Variants in ZFP91 observed in about 807,000 individuals in gnomAD.
ZFP91 encodes the protein E3 ubiquitin-protein ligase ZFP91.
In ZFP91, 7 loss-of-function variants were observed where a neutral mutation model predicts 63.5. The ratio of observed to expected loss-of-function variants is 0.11; its 90% confidence interval spans 0.06 to 0.21. The LOEUF (loss-of-function observed/expected upper bound fraction) is 0.21. Ranked by LOEUF, ZFP91 falls within the 10% of genes least tolerant of loss-of-function variation. The pLI is 1.00. For missense variants in ZFP91, 628 were observed against 736.6 expected, an observed-to-expected ratio of 0.85 and a Z score of 1.71; for synonymous variants, 330 against 272.1, an observed-to-expected ratio of 1.21 and a Z score of -2.10.
At position 58,618,442 on chromosome 11, in the gene ZFP91, T is replaced by A; in HGVS notation, c.*736T>A. The A allele has an allele frequency of 5.8e-6, 2 of 343,622 alleles. No individual in the cohort carries two copies. The highest frequency in any genetic ancestry group is 4.6e-5 in the South Asian group (2 of 43,024). 21.3% of individuals were successfully genotyped at this position (343,622 alleles called of 1,614,324 possible). A position where few individuals can be genotyped will look rare whatever the true frequency, so the allele number is the denominator to read the frequency against. On this transcript the variant is annotated 3_prime_UTR_variant, in exon 11 of 11. Transcript: ENST00000316059. ...AGGGGGCTGCCCTCTACAGTCTCTTTGACTGTAAGACAGGGCTCTGTATCA... is the reference window on the plus strand; with the variant it reads ...AGGGGGCTGCCCTCTACAGTCTCTTAGACTGTAAGACAGGGCTCTGTATCA...
intron 9 of ZFP91, among the ~76,000 whole-genome samples, chr11:58,616,509 T>TA (rs1360851245): frequency 3.3e-5 from 5 of 152,162 alleles, no homozygotes; most frequent in African/African-American, 7.2e-5. Context: ...TGTTTTTTTT[T>TA]AAACAGGTCC....
intron 8 of ZFP91, among the ~76,000 whole-genome samples, chr11:58,613,271 T>C (rs1338023441): frequency 6.6e-6 from 1 of 152,170 alleles, no homozygotes; most frequent in Non-Finnish European, 1.5e-5. Context: ...CTTTTAACTG[T>C]GTCAGCCCAT....
At position 58,620,086 on chromosome 11, in the gene ZFP91, GT is replaced by G. The variant is rs1367645659; in HGVS notation, c.*2382del. 1 of 152,140 alleles carries G rather than the reference GT, an allele frequency of 6.6e-6. No individual in the cohort carries two copies. The highest frequency in any genetic ancestry group is 1.5e-5 in the Non-Finnish European group (1 of 68,024). The allele number at this position is 152,140 out of a possible 1,614,324, so 9.4% of individuals were successfully genotyped here. A position where few individuals can be genotyped will look rare whatever the true frequency, so the allele number is the denominator to read the frequency against. ...CGCTCTCCCAACAAAAAAACAACTA[GT>G]TAGTTCTACTAATTAGAAACTTGCT... On this transcript the variant is annotated 3_prime_UTR_variant, in exon 11 of 11. Coordinates refer to ENST00000316059, the MANE Select transcript of ZFP91 (RefSeq NM_053023.5).
At chr11:58,612,025 A>G (rs1855673228) in intron 6 of ZFP91, 2 of 532,900 alleles carry the variant, frequency 3.8e-6, no homozygotes, top group East Asian at 3.0e-5. Context: ...AGATTCTTCT[A>G]AGTCTTTCAT....
chr11:58,610,833 G>A, intron 4 of ZFP91, 117 bp from the exon 5 acceptor site: 2 of 787,678 alleles, frequency 2.5e-6, no homozygotes. Flanking sequence ...TCATTAGGAT[G>A]AAAATGCTAG....
intron 2 of ZFP91, among the ~76,000 whole-genome samples, 171 bp from the exon 3 acceptor site, chr11:58,609,659 G>A (rs1381356360): frequency 6.6e-6 from 1 of 152,056 alleles, no homozygotes; most frequent in African/African-American, 2.4e-5. Flanking sequence ...ATGACATTAA[G>A]GATAAGTTTT....
intron 2 of ZFP91, among the ~76,000 whole-genome samples, chr11:58,589,778 C>G (rs1855273747): frequency 1.3e-5 from 2 of 152,188 alleles, no homozygotes; most frequent in Non-Finnish European, 1.5e-5. Context: ...ATCCGTATTG[C>G]TAGTTCAGAC....
intron 8 of ZFP91, among the ~76,000 whole-genome samples, chr11:58,613,810 G>C (rs914594479): frequency 3.3e-5 from 5 of 152,108 alleles, no homozygotes; most frequent in African/African-American, 1.2e-4. Context: ...TTGATCTTCA[G>C]CAACAAATAT....
rs369586192 is a variant in ZFP91 at position 58,579,572 on chromosome 11, G to A, written c.291G>A (p.Gln97=). The A allele has an allele frequency of 1.9e-6, 3 of 1,585,086 alleles. No individual in the cohort carries two copies. The Admixed American group carries it at 5.3e-5, about 28-fold the overall frequency. The change falls in exon 1 of 11, where the codon CAG becomes CAA. Residue 97 remains glutamine, a synonymous_variant. Transcript: ENST00000316059. ...RPPDVPGQQP[Q]AAKSPSPVQG... ...CCGACGTCCCCGGGCAGCAGCCCCA[G>A]GCCGCGAAGTCCCCGTCTCCAGTTC... is the stretch of plus-strand genomic sequence containing the variant.
At chr11:58,581,846 A>G in intron 1 of ZFP91, among the ~76,000 whole-genome samples, 1 of 152,068 alleles carries the variant, frequency 6.6e-6, no homozygotes, top group East Asian at 1.9e-4. Flanking sequence ...TTTTCTGCAC[A>G]ATGTTCCTTG....
intron 2 of ZFP91, among the ~76,000 whole-genome samples, chr11:58,604,113 G>A (rs547473123): frequency 9.2e-5 from 14 of 152,144 alleles, no homozygotes; most frequent in Non-Finnish European, 1.3e-4. Context: ...AGACTACTAC[G>A]GGTTGAATTT....
chr11:58,594,270 T>C (rs1855359114), intron 2 of ZFP91, among the ~76,000 whole-genome samples: 1 of 152,226 alleles, frequency 6.6e-6, no homozygotes, highest in African/African-American at 2.4e-5. Flanking sequence ...TCTCAAGACA[T>C]GTACATGTAC....
intron 2 of ZFP91, among the ~76,000 whole-genome samples, chr11:58,591,843 C>A (rs1003329013): frequency 6.6e-6 from 1 of 152,064 alleles, no homozygotes; most frequent in Non-Finnish European, 1.5e-5. Flanking sequence ...AACCTTGCAC[C>A]AGGTGAGCTG....
intron 2 of ZFP91, among the ~76,000 whole-genome samples, chr11:58,587,665 G>A (rs1855234264): frequency 6.6e-6 from 1 of 152,004 alleles, no homozygotes; most frequent in Admixed American, 6.5e-5. Flanking sequence ...AACCAGTGTT[G>A]TACTTTGATT....
chr11:58,579,154 G>GA lies in ZFP91; in HGVS notation c.-125dup, dbSNP rs1855030045. On this transcript the variant is annotated 5_prime_UTR_variant, in exon 1 of 11. Transcript: ENST00000316059. The stretch of plus-strand genomic sequence containing the variant: ...TCGGAGCCGGGCGGAGGGGAGGGGG[G>GA]AAAGAGGAGCGCAGGGTGAGAGTGA... The GA allele has an allele frequency of 1.1e-5, 8 of 713,846 alleles. No homozygotes were observed. Among genetic ancestry groups the GA allele is most frequent in the Non-Finnish European group, 1.5e-5 (8 of 518,692 alleles). The allele number at this position is 713,846 out of a possible 1,614,324, so 44.2% of individuals were successfully genotyped here.
chr11:58,612,360 C>G (rs1229200309), intron 7 of ZFP91, 32 bp downstream of exon 7: 2 of 1,605,960 alleles, frequency 1.2e-6, no homozygotes, highest in Non-Finnish European at 1.7e-6. Context: ...TGTTTTACAC[C>G]TTATTCCAGT....
In ZFP91 at chr11:58,584,875, A is replaced by G. The variant is rs763479936; in HGVS notation, c.361A>G (p.Thr121Ala). 11 of 1,530,234 alleles carry G rather than the reference A, an allele frequency of 7.2e-6. No individual in the cohort carries two copies. Among genetic ancestry groups the G allele is most frequent in the Middle Eastern group, 1.7e-4 (1 of 5,872 alleles). 94.8% of individuals were successfully genotyped at this position (1,530,234 alleles called of 1,614,324 possible). The change falls in exon 2 of 11, where the codon ACT becomes GCT. Residue 121 changes from threonine (T) to alanine (A), a missense_variant. Physicochemically the swap from Thr to Ala is moderately conservative, Grantham distance 58. Around this residue, in one of 3 missense-constraint regions of ZFP91, gnomAD observed 437 missense variants for 380.3 expected, o/e 1.15. Transcript: ENST00000316059. Reference protein sequence around the residue: ...PRLLCIEKVTTDKDPKEEKEE... With the variant: ...PRLLCIEKVTADKDPKEEKEE... ...TTTCAGATGCATAGAAAAAGTAACA[A>G]CTGATAAAGGTAAGACTTGGTCATC...
In ZFP91 at chr11:58,580,939, C is replaced by A. The variant is rs1398861493; in HGVS notation, c.341+1317C>A. Among the ~76,000 whole-genome samples, 3 of 152,302 alleles carry A rather than the reference C, an allele frequency of 2.0e-5. No individual in the cohort carries two copies. In the East Asian group the frequency reaches 5.8e-4, roughly 29 times the overall value. ...ATTTTATAGTTCTATATTGTTTAAT[C>A]TCATGAATTTGAAAAGATACATGTA... is the stretch of plus-strand genomic sequence containing the variant. On this transcript the variant is annotated intron_variant, in intron 1 of 10. Coordinates refer to ENST00000316059, the MANE Select transcript of ZFP91 (RefSeq NM_053023.5).
rs754147434 is a variant in ZFP91 at position 58,609,882 on chromosome 11, T to G, written c.423T>G (p.Val141=). The change falls in exon 3 of 11, where the codon GTT becomes GTG. Residue 141 remains valine (V), a synonymous_variant. Transcript: ENST00000316059. ...ACGATTCTGCCCTCCCTCAGGAAGT[T>G]TCCATTGCTGCATCTAGACCTAGCC... ...EEDDSALPQE[V]SIAASRPSRG... 1 of 1,614,186 alleles carries G rather than the reference T, an allele frequency of 6.2e-7. No individual in the cohort carries two copies. The highest frequency in any genetic ancestry group is 1.1e-5 in the South Asian group (1 of 91,086).
Sources: gnomAD v4.1 joint callset for allele counts (sites outside exome capture counted in the v4.1 genomes callset) on GRCh38, gnomAD v4.1.1 for gene constraint, gnomAD v4.1.1 regional missense constraint, MANE v1.5 for transcripts, NCBI Gene and HGNC (gene_info 2026-07-23, HGNC 2026-07-21) for gene names.